The following SLC10A2 variants were observed in gnomAD, a reference collection of about 807,000 sequenced individuals.
The protein encoded by SLC10A2 is ileal sodium/bile acid cotransporter.
Under a neutral mutation model 27.1 loss-of-function variants are expected in SLC10A2, and 34 were observed. That is an observed-to-expected ratio of 1.26 (90% CI 0.96 to 1.67). The LOEUF (loss-of-function observed/expected upper bound fraction) is 1.67, where lower values mean the gene tolerates loss of function less well. Among genes scored for constraint, SLC10A2 ranks in the 40% most tolerant of loss-of-function variants. The probability of loss-of-function intolerance (pLI) is 0.00; values close to 1 mark genes in which losing one functional copy is unlikely to be tolerated. For missense variants in SLC10A2, 530 were observed against 444.4 expected (o/e 1.19, Z -1.73); for synonymous variants, 205 against 174.0 (o/e 1.18, Z -1.40).
chr13:103,049,289 A>C lies in SLC10A2; in HGVS notation c.919T>G (p.Phe307Val). ...QLAFAAIFLG[F>V]YVAYKKCHGK... Reference sequence around the variant, plus strand: ...AAATGGGATTGGCATGATTCCTTACATCCTAAGAATATTGCGGCAAAGGCG... The same window carrying C: ...AAATGGGATTGGCATGATTCCTTACCTCCTAAGAATATTGCGGCAAAGGCG... The change falls in exon 5 of 6, where the codon TTT becomes GTT. Residue 307 changes from phenylalanine to valine, a missense_variant and splice_region_variant. Coordinates refer to ENST00000245312, the MANE Select transcript of SLC10A2 (RefSeq NM_000452.3). 3.1e-6 allele frequency: 5 copies of C among 1,613,626 alleles called. No individual in the cohort carries two copies. Among genetic ancestry groups the C allele is most frequent in the Non-Finnish European group, 4.2e-6 (5 of 1,179,650 alleles).
At chr13:103,049,535 G>T in intron 4 of SLC10A2, 89 bp from the exon 5 acceptor site, 1 of 1,297,458 alleles carries the variant, frequency 7.7e-7, no homozygotes, top group Non-Finnish European at 1.1e-6. Flanking sequence ...ACATATATAT[G>T]CATTATGTCT....
Position 103,058,398 on chromosome 13 carries a change from C to T in SLC10A2, c.378-16G>A, listed in dbSNP as rs771165768. The T allele has an allele frequency of 7.3e-7, 1 of 1,362,592 alleles. No individual in the cohort carries two copies. The highest frequency in any genetic ancestry group is 1.7e-5 in the Admixed American group (1 of 59,686). 84.4% of individuals were successfully genotyped at this position (1,362,592 alleles called of 1,614,324 possible). On this transcript the variant is annotated splice_polypyrimidine_tract_variant and intron_variant, in intron 1 of 5. Coordinates refer to ENST00000245312, the MANE Select transcript of SLC10A2 (RefSeq NM_000452.3). ...CATGCTGACGCTGAAAGGCAATGGG[C>T]AGATTGATACATCCACCTGTGGTGT...
Position 103,049,316 on chromosome 13 carries a change from G to C in SLC10A2, c.892C>G (p.Leu298Val), listed in dbSNP as rs200001242. The C allele has an allele frequency of 5.6e-6, 9 of 1,613,824 alleles. No homozygotes were observed. Among genetic ancestry groups the C allele is most frequent in the Non-Finnish European group, 7.6e-6 (9 of 1,179,864 alleles). ...CCTAAGAATATTGCGGCAAAGGCGA[G>C]CTGGAAAATGCTGTAGATGAGCGGG... ...TFPLIYSIFQLAFAAIFLGFY... is the reference protein window; with the variant it reads ...TFPLIYSIFQVAFAAIFLGFY... Residue 298 changes from leucine (L) to valine (V), a missense_variant, in exon 5 of 6, where the codon CTC becomes GTC. By Grantham distance (32) the Leu-to-Val change is conservative. Transcript: ENST00000245312.
intron 2 of SLC10A2, among the ~76,000 whole-genome samples, chr13:103,057,220 A>G (rs1011302745): frequency 1.3e-5 from 2 of 152,096 alleles, no homozygotes; most frequent in Non-Finnish European, 2.9e-5. Context: ...CTGATTTACT[A>G]TTTTGCCCAC....
chr13:103,051,323 A>T lies in SLC10A2; in HGVS notation c.695T>A (p.Ile232Lys). The stretch of plus-strand genomic sequence containing the variant: ...CAGGGAGTAACCCGCCACAGGAAAT[A>T]TTGTTCCTATAATCCACAGTTTGGG... ...IAPKLWIIGT[I>K]FPVAGYSLGF... Residue 232 changes from isoleucine (I) to lysine (K), a missense_variant, in exon 4 of 6, where the codon ATA (isoleucine) becomes AAA (lysine). Physicochemically the swap from Ile to Lys is moderately radical, Grantham distance 102. Transcript: ENST00000245312. 2 of 1,614,104 alleles carry T rather than the reference A, an allele frequency of 1.2e-6. No homozygotes were observed. The highest frequency in any genetic ancestry group is 1.7e-6 in the Non-Finnish European group (2 of 1,179,976).
rs1156644853 is a variant in SLC10A2 at position 103,065,936 on chromosome 13, C to A, written c.314G>T (p.Cys105Phe). 4.3e-6 allele frequency: 7 copies of A among 1,614,056 alleles called. No homozygotes were observed. The highest frequency in any genetic ancestry group is 4.2e-6 in the Non-Finnish European group (5 of 1,180,024). The change falls in exon 1 of 6, where the codon TGC becomes TTC. Residue 105 changes from cysteine to phenylalanine, a missense_variant. Transcript: ENST00000245312. ...LQAVVVLIIG[C>F]CPGGTASNIL... ...ATTGGAGGCAGTTCCTCCAGGGCAG[C>A]ATCCTATAATGAGCACCACTACGGC...
At chr13:103,048,809 A>T (rs938484866) in intron 5 of SLC10A2, among the ~76,000 whole-genome samples, 1 of 152,198 alleles carries the variant, frequency 6.6e-6, no homozygotes, top group Non-Finnish European at 1.5e-5. Flanking sequence ...TGGGTATTTA[A>T]AATATATATA....
intron 5 of SLC10A2, among the ~76,000 whole-genome samples, chr13:103,048,698 G>C (rs1171764486): frequency 1.3e-5 from 2 of 152,102 alleles, no homozygotes; most frequent in Middle Eastern, 3.2e-3. Flanking sequence ...GATGGGAAAC[G>C]CTGGGAGCTT....
intron 1 of SLC10A2, among the ~76,000 whole-genome samples, chr13:103,064,526 T>C (rs1239478112): frequency 6.6e-6 from 1 of 152,166 alleles, no homozygotes; most frequent in African/African-American, 2.4e-5. Context: ...TTACAAATAT[T>C]ATGAGAAAGC....
rs1314123857 is a variant in SLC10A2, at chr13:103,048,405, AAAAAAG to A, written c.919+878_919+883del. Among the ~76,000 whole-genome samples, 572 of 144,136 alleles carry A rather than the reference AAAAAAG, an allele frequency of 4.0e-3. 9 individuals carry two copies. Among genetic ancestry groups the A allele is most frequent in the African/African-American group, 0.014 (548 of 38,208 alleles). 94.6% of individuals were successfully genotyped at this position (144,136 alleles called of 152,430 possible). On this transcript the variant is annotated intron_variant, in intron 5 of 5. Coordinates refer to ENST00000245312, the MANE Select transcript of SLC10A2 (RefSeq NM_000452.3). ...GGGGCTGTCTCAAAAAAAAAAGAAA[AAAAAAG>A]AAAAGAAAAGAAAAAAAGAAAAGAG...
intron 3 of SLC10A2, 28 bp downstream of exon 3, chr13:103,052,592 A>G: frequency 9.9e-6 from 14 of 1,420,818 alleles, no homozygotes; most frequent in Non-Finnish European, 1.4e-5. Context: ...ACAGTGGAAT[A>G]TTTAATGGTG....
intron 3 of SLC10A2, among the ~76,000 whole-genome samples, chr13:103,051,638 A>G (rs996874371): frequency 6.6e-6 from 1 of 152,222 alleles, no homozygotes; most frequent in South Asian, 2.1e-4. Flanking sequence ...TTAAGAACAC[A>G]ATAGGACATG....
Position 103,046,194 on chromosome 13 carries a change from C to G in SLC10A2, c.986G>C (p.Gly329Ala). Residue 329 changes from glycine (G) to alanine (A), a missense_variant, in exon 6 of 6, where the codon GGA becomes GCA. Coordinates refer to ENST00000245312, the MANE Select transcript of SLC10A2 (RefSeq NM_000452.3). ...KAEIPESKEN[G>A]TEPESSFYKA... is the part of the protein sequence containing the mutation. ...ATAAAACGATGACTCTGGCTCCGTT[C>G]CATTTTCTTTGCTCTCTGGAATTTC... The G allele has an allele frequency of 1.9e-6, 3 of 1,613,884 alleles. No homozygotes were observed. The highest frequency in any genetic ancestry group is 2.5e-6 in the Non-Finnish European group (3 of 1,179,836).
chr13:103,056,346 A>T (rs1875936300), intron 2 of SLC10A2, among the ~76,000 whole-genome samples: 1 of 149,768 alleles, frequency 6.7e-6, no homozygotes, highest in South Asian at 2.1e-4. Context: ...TTTTCTTTTC[A>T]CTCTTGACCT....
At chr13:103,064,109 A>T (rs72657896) in intron 1 of SLC10A2, among the ~76,000 whole-genome samples, 13,173 of 152,170 alleles carry the variant, frequency 0.087, 590 homozygotes, top group South Asian at 0.11. Flanking sequence ...AGTGTCTTTT[A>T]TTGGGTCTTG....
intron 1 of SLC10A2, among the ~76,000 whole-genome samples, chr13:103,064,662 A>G (rs1449554608): frequency 6.6e-6 from 1 of 152,206 alleles, no homozygotes; most frequent in African/African-American, 2.4e-5. Flanking sequence ...AGGTCTAAAA[A>G]GACCTTATTG....
rs200862975 is a variant in SLC10A2 at position 103,066,363 on chromosome 13, C to A, written c.-114G>T. 11 of 1,197,866 alleles carry A rather than the reference C, an allele frequency of 9.2e-6. No homozygotes were observed. The highest frequency in any genetic ancestry group is 1.9e-5 in the South Asian group (1 of 53,990). 74.2% of individuals were successfully genotyped at this position (1,197,866 alleles called of 1,614,324 possible). Reference sequence around the variant, plus strand: ...ACTTCTACCCCATCAAACTTTTAAACCCCTCCTAAAAATATGTCACTTGGT... The same window carrying A: ...ACTTCTACCCCATCAAACTTTTAAAACCCTCCTAAAAATATGTCACTTGGT... On this transcript the variant is annotated 5_prime_UTR_variant, in exon 1 of 6. Transcript: ENST00000245312.
chr13:103,049,341 G>C lies in SLC10A2; in HGVS notation c.867C>G (p.Phe289Leu), dbSNP rs1875702646. ...GCTGGAAAATGCTGTAGATGAGCGGGAAGGTGAATACGACATTGAGCTCCT... is the reference window on the plus strand; with the variant it reads ...GCTGGAAAATGCTGTAGATGAGCGGCAAGGTGAATACGACATTGAGCTCCT... Reference protein sequence around the residue: ...TPEELNVVFTFPLIYSIFQLA... With the variant: ...TPEELNVVFTLPLIYSIFQLA... The change falls in exon 5 of 6, where the codon TTC becomes TTG. Residue 289 changes from phenylalanine to leucine, a missense_variant. Coordinates refer to ENST00000245312, the MANE Select transcript of SLC10A2 (RefSeq NM_000452.3). The C allele has an allele frequency of 6.2e-7, 1 of 1,614,042 alleles. No individual in the cohort carries two copies. The highest frequency in any genetic ancestry group is 8.5e-7 in the Non-Finnish European group (1 of 1,179,934).
chr13:103,053,355 A>G (rs1408053995), intron 2 of SLC10A2, among the ~76,000 whole-genome samples: 2 of 152,122 alleles, frequency 1.3e-5, no homozygotes, highest in South Asian at 2.1e-4. Flanking sequence ...TCCATGAGAT[A>G]ATATATTTGA....
Sources: allele counts gnomAD v4.1 joint callset (sites outside exome capture counted in the v4.1 genomes callset), GRCh38; gene constraint gnomAD v4.1.1; transcripts MANE v1.5; gene names NCBI Gene and HGNC (gene_info 2026-07-23, HGNC 2026-07-21).